Variants in SNX30 observed in about 807,000 individuals in gnomAD.
SNX30 encodes sorting nexin-30.
Under a neutral mutation model 46.4 loss-of-function variants are expected in SNX30, and 24 were observed. The observed-to-expected ratio is 0.52, with a 90% CI of 0.37 to 0.73. SNX30 has a LOEUF of 0.73. SNX30 is among the 30% of genes least tolerant of loss of function. The probability of loss-of-function intolerance (pLI) is 0.00; values close to 1 mark genes in which losing one functional copy is unlikely to be tolerated. For synonymous variants in SNX30, 189 were observed against 211.5 expected (o/e 0.89, Z 0.92); for missense variants, 533 against 555.7 (o/e 0.96, Z 0.41).
Position 112,874,383 on chromosome 9 carries a change from T to C in SNX30, c.*5540T>C, listed in dbSNP as rs115351486. 7.9e-4 allele frequency: 121 copies of C among 152,372 alleles called. No individual in the cohort carries two copies. Among genetic ancestry groups the C allele is most frequent in the African/African-American group, 2.8e-3 (115 of 41,594 alleles). The allele number at this position is 152,372 out of a possible 1,614,324, so 9.4% of individuals were successfully genotyped here. ...ATTGAGAGATGATGTCCATCTGATATATTCCTGTGAAATAAACTGCCAGCA... is the reference window on the plus strand; with the variant it reads ...ATTGAGAGATGATGTCCATCTGATACATTCCTGTGAAATAAACTGCCAGCA... On this transcript the variant is annotated 3_prime_UTR_variant, in exon 9 of 9. Coordinates refer to ENST00000374232, the MANE Select transcript of SNX30 (RefSeq NM_001012994.2).
At chr9:112,776,760 C>G (rs1839754690) in intron 1 of SNX30, among the ~76,000 whole-genome samples, 1 of 152,196 alleles carries the variant, frequency 6.6e-6, no homozygotes, top group African/African-American at 2.4e-5. Context: ...GAGTCTAGGT[C>G]TTTGGAACTG....
chr9:112,875,802 C>CA (rs1564301844), downstream of SNX30: 2 of 149,922 alleles, frequency 1.3e-5, no homozygotes, highest in Non-Finnish European at 3.0e-5. Flanking sequence ...ACAGGATATT[C>CA]TTTTTTTTTT....
chr9:112,883,008 G>C (rs1201817239), downstream of SNX30, among the ~76,000 whole-genome samples: 1 of 152,238 alleles, frequency 6.6e-6, no homozygotes, highest in Non-Finnish European at 1.5e-5. Flanking sequence ...CCTGAGGAAA[G>C]AGTGATCAAC....
At chr9:112,838,091 C>G (rs1840792870) in intron 5 of SNX30, among the ~76,000 whole-genome samples, 1 of 151,550 alleles carries the variant, frequency 6.6e-6, no homozygotes, top group Non-Finnish European at 1.5e-5. Context: ...CGGGGTTTCA[C>G]TGTGTTAGCA....
intron 7 of SNX30, 71 bp from the exon 8 acceptor site, chr9:112,864,176 G>T: frequency 1.3e-6 from 2 of 1,504,836 alleles, no homozygotes; most frequent in Non-Finnish European, 1.8e-6. Context: ...ACAAATGTGT[G>T]CTCAGAGGAG....
At chr9:112,762,786 A>T (rs1044786011) in intron 1 of SNX30, among the ~76,000 whole-genome samples, 26 of 152,362 alleles carry the variant, frequency 1.7e-4, no homozygotes, top group Middle Eastern at 3.4e-3. Context: ...AAGGGAAGGC[A>T]ATCAGCAGAG....
intron 3 of SNX30, among the ~76,000 whole-genome samples, chr9:112,826,007 G>A (rs1369571592): frequency 2.0e-5 from 3 of 152,154 alleles, no homozygotes; most frequent in Non-Finnish European, 2.9e-5. Context: ...AAGTTTCCCC[G>A]ATTGATGAAA....
intron 3 of SNX30, among the ~76,000 whole-genome samples, chr9:112,824,944 AT>A (rs1840559698): frequency 6.6e-6 from 1 of 152,048 alleles, no homozygotes; most frequent in Admixed American, 6.6e-5. Flanking sequence ...AATCCAGAAC[AT>A]TTTCATTACC....
At position 112,873,907 on chromosome 9, in the gene SNX30, A is replaced by G. The variant is rs1841483154; in HGVS notation, c.*5064A>G. The G allele has an allele frequency of 6.6e-6, 1 of 152,216 alleles. No homozygotes were observed. The allele number at this position is 152,216 out of a possible 1,614,324, so 9.4% of individuals were successfully genotyped here. On this transcript the variant is annotated 3_prime_UTR_variant, in exon 9 of 9. Coordinates refer to ENST00000374232, the MANE Select transcript of SNX30 (RefSeq NM_001012994.2). ...GATGTTGACTCATGTAATTTAGTCCATTTTAGCAGAGCCTTTAGTGTTAAC... is the reference window on the plus strand; with the variant it reads ...GATGTTGACTCATGTAATTTAGTCCGTTTTAGCAGAGCCTTTAGTGTTAAC...
chr9:112,763,902 T>C (rs1839486704), intron 1 of SNX30, among the ~76,000 whole-genome samples: 1 of 152,080 alleles, frequency 6.6e-6, no homozygotes, highest in African/African-American at 2.4e-5. Flanking sequence ...TATGTAATTT[T>C]GTTACATGGA....
Position 112,872,324 on chromosome 9 carries a change from A to C in SNX30, c.*3481A>C, listed in dbSNP as rs1269784441. 1 of 152,226 alleles carries C rather than the reference A, an allele frequency of 6.6e-6. No homozygotes were observed. The highest frequency in any genetic ancestry group is 1.9e-4 in the East Asian group (1 of 5,206). The allele number at this position is 152,226 out of a possible 1,614,324, so 9.4% of individuals were successfully genotyped here. On this transcript the variant is annotated 3_prime_UTR_variant, in exon 9 of 9. Coordinates refer to ENST00000374232, the MANE Select transcript of SNX30 (RefSeq NM_001012994.2). ...GAATTTTGGGATGGCAGCCCGAGGA[A>C]CATCCAGAGTTACTGTGTGACTTGG...
Position 112,750,822 on chromosome 9 carries a change from A to AGCGGGGGCGCGCGGC in SNX30, c.-176_-175insGGGCGCGCGGCGCGG. The AGCGGGGGCGCGCGGC allele has an allele frequency of 3.0e-6, 1 of 337,644 alleles. No individual in the cohort carries two copies. Among genetic ancestry groups the AGCGGGGGCGCGCGGC allele is most frequent in the African/African-American group, 2.3e-5 (1 of 44,438 alleles). The allele number at this position is 337,644 out of a possible 1,614,324, so 20.9% of individuals were successfully genotyped here. On this transcript the variant is annotated 5_prime_UTR_variant, in exon 1 of 9. Coordinates refer to ENST00000374232, the MANE Select transcript of SNX30 (RefSeq NM_001012994.2). ...CGCGGAGCGGGGGCGCGCGGCGCGGAGCGGAGCGTCTGAGCGCCGGCAGAG... is the reference window on the plus strand; with the variant it reads ...CGCGGAGCGGGGGCGCGCGGCGCGGAGCGGGGGCGCGCGGCGCGGAGCGTCTGAGCGCCGGCAGAG...
At chr9:112,753,032 T>G (rs1177267122) in intron 1 of SNX30, among the ~76,000 whole-genome samples, 1 of 152,188 alleles carries the variant, frequency 6.6e-6, no homozygotes, top group African/African-American at 2.4e-5. Context: ...ATCTTGGAAA[T>G]GACATGCCTC....
chr9:112,866,574 T>C (rs970178945), intron 8 of SNX30: 5 of 469,078 alleles, frequency 1.1e-5, no homozygotes, highest in South Asian at 4.7e-5. Context: ...TAAGGTGGGC[T>C]TCAGAGTTTA....
At chr9:112,864,159 G>A (rs1004967206) in intron 7 of SNX30, 88 bp from the exon 8 acceptor site, 5 of 1,375,276 alleles carry the variant, frequency 3.6e-6, no homozygotes, top group African/African-American at 1.4e-5. Context: ...TAGGGCTTTG[G>A]CCTTTGACAA....
At chr9:112,840,780 A>G (rs11793016) in intron 6 of SNX30, among the ~76,000 whole-genome samples, 26,850 of 111,236 alleles carry the variant, frequency 0.24, 3,331 homozygotes, top group African/African-American at 0.43. Context: ...CGCCTGGCTG[A>G]TATTTCTTTT....
chr9:112,771,165 G>A (rs1839642844), intron 1 of SNX30, among the ~76,000 whole-genome samples: 1 of 152,170 alleles, frequency 6.6e-6, no homozygotes, highest in Admixed American at 6.5e-5. Context: ...TGAAGGCAAG[G>A]GGCCTGATCT....
At chr9:112,828,488 G>A (rs1468521793) in intron 3 of SNX30, among the ~76,000 whole-genome samples, 2 of 151,846 alleles carry the variant, frequency 1.3e-5, no homozygotes, top group African/African-American at 2.4e-5. Flanking sequence ...GTCATTAAGT[G>A]ACACATTAAC....
At chr9:112,778,895 G>T (rs867858048) in intron 1 of SNX30, among the ~76,000 whole-genome samples, 4,865 of 152,086 alleles carry the variant, frequency 0.032, 271 homozygotes, top group African/African-American at 0.11. Context: ...AGAACTTGGG[G>T]GGGGGGGATT....
Sources: allele counts gnomAD v4.1 joint callset (sites outside exome capture counted in the v4.1 genomes callset), GRCh38; gene constraint gnomAD v4.1.1; transcripts MANE v1.5; gene names NCBI Gene and HGNC (gene_info 2026-07-23, HGNC 2026-07-21).